The following NALF1 variants were observed in gnomAD, a reference collection of about 807,000 sequenced individuals.
NALF1 encodes the protein NALCN channel auxiliary factor 1.
NALF1 carries 3 observed loss-of-function variants against 48.4 expected under a neutral mutation model. The ratio of observed to expected loss-of-function variants is 0.06; its 90% CI spans 0.03 to 0.16. The LOEUF is 0.16. Among genes scored for constraint, NALF1 ranks in the 10% least tolerant of loss-of-function variants. NALF1 has a pLI of 1.00. For missense variants in NALF1, 526 were observed against 571.5 expected (o/e 0.92, Z 0.81); for synonymous variants, 262 against 245.7 (o/e 1.07, Z -0.62).
chr13:107,630,678 G>A (rs887522400), intron 1 of NALF1, among the ~76,000 whole-genome samples: 5 of 151,996 alleles, frequency 3.3e-5, no homozygotes, highest in Admixed American at 3.3e-4. Context: ...ATACAGGTAT[G>A]ATCTAAATCT....
intron 1 of NALF1, among the ~76,000 whole-genome samples, chr13:107,643,045 A>G (rs1880203728): frequency 6.6e-6 from 1 of 152,146 alleles, no homozygotes; most frequent in South Asian, 2.1e-4. Flanking sequence ...TGTTGGCTGA[A>G]GAGCAGGCGT....
At chr13:107,210,785 G>C in intron 1 of NALF1, 30 bp from the exon 2 acceptor site, 1 of 1,534,656 alleles carries the variant, frequency 6.5e-7, no homozygotes, top group Non-Finnish European at 9.0e-7. Context: ...GAAAAATATA[G>C]AGGCGTGACA....
chr13:107,212,218 T>A (rs1275995042), intron 1 of NALF1, among the ~76,000 whole-genome samples: 1 of 152,208 alleles, frequency 6.6e-6, no homozygotes, highest in Non-Finnish European at 1.5e-5. Flanking sequence ...CAAGGTGACT[T>A]GGTAGAGGTA....
In NALF1 at chr13:107,409,149, G is replaced by C. The variant is rs922397879; in HGVS notation, c.916-198394C>G. Among the ~76,000 whole-genome samples the C allele has an allele frequency of 2.6e-5, 4 of 152,056 alleles. No homozygotes were observed. In the South Asian group the frequency reaches 8.3e-4, roughly 31 times the overall value. On this transcript the variant is annotated intron_variant, in intron 1 of 2. Coordinates refer to ENST00000375915, the MANE Select transcript of NALF1 (RefSeq NM_001080396.3). ...TCAGATCTCTCAGCTCAGTTTAACA[G>C]GTTCTTAAGAAAGATTAACCACCCA...
At chr13:107,310,065 T>TTG (rs1027420923) in intron 1 of NALF1, among the ~76,000 whole-genome samples, 10 of 151,942 alleles carry the variant, frequency 6.6e-5, no homozygotes, top group African/African-American at 9.6e-5. Context: ...TTTATTTGTT[T>TTG]TGTGTGTGTG....
intron 1 of NALF1, among the ~76,000 whole-genome samples, chr13:107,726,284 A>G (rs1399743166): frequency 6.6e-6 from 1 of 152,146 alleles, no homozygotes; most frequent in African/African-American, 2.4e-5. Flanking sequence ...TATTTACCAA[A>G]TAGGTTAGCC....
chr13:107,315,081 T>C (rs1299281142), intron 1 of NALF1, among the ~76,000 whole-genome samples: 1 of 152,122 alleles, frequency 6.6e-6, no homozygotes, highest in Non-Finnish European at 1.5e-5. Flanking sequence ...TTAAATTAAA[T>C]TCAACTTAAA....
At chr13:107,480,457 CATGTCTTGGATGTTTCA>C (rs1885237870) in intron 1 of NALF1, among the ~76,000 whole-genome samples, 1 of 152,170 alleles carries the variant, frequency 6.6e-6, no homozygotes. Flanking sequence ...CAAATTGCTA[CATGTCTTGGATGTTTCA>C]AGTCTCTAAC....
At position 107,555,439 on chromosome 13, in the gene NALF1, ATTTTTT is replaced by A. The variant is rs34486058; in HGVS notation, c.915+310237_915+310242del. 5.9e-4 allele frequency among the ~76,000 whole-genome samples: 41 copies of A among 69,962 alleles called. No individual in the cohort carries two copies. The East Asian group carries it at 8.2e-3, about 14-fold the overall frequency. 45.9% of individuals were successfully genotyped at this position (69,962 alleles called of 152,430 possible). A position where few individuals can be genotyped will look rare whatever the true frequency, so the allele number is the denominator to read the frequency against. On this transcript the variant is annotated intron_variant, in intron 1 of 2. Coordinates refer to ENST00000375915, the MANE Select transcript of NALF1 (RefSeq NM_001080396.3). ...AGGTTCCTGCCACCAAGCCTGGCTA[ATTTTTT>A]TTTTTTTTTTTTTTTTTTTTTGTAT... is the stretch of plus-strand genomic sequence containing the variant.
At chr13:107,348,921 G>T (rs369561434) in intron 1 of NALF1, among the ~76,000 whole-genome samples, 22 of 152,040 alleles carry the variant, frequency 1.4e-4, no homozygotes, top group African/African-American at 5.1e-4. Context: ...CTCCTCCTTT[G>T]TAAGATGCAA....
chr13:107,293,437 A>G (rs1228655079), intron 1 of NALF1, among the ~76,000 whole-genome samples: 1 of 152,166 alleles, frequency 6.6e-6, no homozygotes, highest in African/African-American at 2.4e-5. Context: ...ATGCTATTAT[A>G]CCACAAACCA....
intron 1 of NALF1, among the ~76,000 whole-genome samples, chr13:107,547,604 T>C (rs911877404): frequency 2.6e-5 from 4 of 152,150 alleles, no homozygotes; most frequent in Non-Finnish European, 5.9e-5. Context: ...AAGGCACAAT[T>C]TGCCGTTATG....
chr13:107,506,772 C>A (rs575172539), intron 1 of NALF1, among the ~76,000 whole-genome samples: 1 of 152,110 alleles, frequency 6.6e-6, no homozygotes, highest in East Asian at 1.9e-4. Context: ...TTATCTTTAT[C>A]CACTTATCAC....
At chr13:107,393,143 C>T (rs1298296193) in intron 1 of NALF1, among the ~76,000 whole-genome samples, 1 of 152,212 alleles carries the variant, frequency 6.6e-6, no homozygotes, top group Non-Finnish European at 1.5e-5. Flanking sequence ...GTTATCCACG[C>T]TAACTAAATA....
At chr13:107,548,132 C>T (rs1877183482) in intron 1 of NALF1, among the ~76,000 whole-genome samples, 1 of 152,116 alleles carries the variant, frequency 6.6e-6, no homozygotes, top group African/African-American at 2.4e-5. Context: ...CTCCCACCCT[C>T]CATCCTCGAG....
chr13:107,228,782 G>A (rs966578730), intron 1 of NALF1, among the ~76,000 whole-genome samples: 6 of 151,988 alleles, frequency 3.9e-5, no homozygotes, highest in Non-Finnish European at 7.4e-5. Flanking sequence ...CACCACACCC[G>A]GCTAATTTTT....
rs1218481949 is a variant in NALF1, at chr13:107,272,397, G to C, written c.916-61642C>G. Among the ~76,000 whole-genome samples, 2 of 48,568 alleles carry C rather than the reference G, an allele frequency of 4.1e-5. 1 individual carries two copies. The highest frequency in any genetic ancestry group is 2.6e-3 in the South Asian group (2 of 772). 31.9% of individuals were successfully genotyped at this position (48,568 alleles called of 152,430 possible). The stretch of plus-strand genomic sequence containing the variant: ...GCCCGGCTAATTTTTTGTATTTTTA[G>C]TAGAGACGGGGTTTCACCTTGTTAG... On this transcript the variant is annotated intron_variant, in intron 1 of 2. Transcript: ENST00000375915.
intron 1 of NALF1, among the ~76,000 whole-genome samples, chr13:107,213,095 T>C (rs1879796022): frequency 6.6e-6 from 1 of 152,094 alleles, no homozygotes; most frequent in South Asian, 2.1e-4. Flanking sequence ...CGTCCAGTAT[T>C]GGAGTCTCTT....
intron 1 of NALF1, among the ~76,000 whole-genome samples, chr13:107,464,382 A>G (rs906341623): frequency 1.3e-5 from 2 of 152,194 alleles, no homozygotes; most frequent in Non-Finnish European, 2.9e-5. Flanking sequence ...GCAGCACCAA[A>G]GTCACACTGA....
Sources: gnomAD v4.1 joint callset for allele counts (sites outside exome capture counted in the v4.1 genomes callset) on GRCh38, gnomAD v4.1.1 for gene constraint, MANE v1.5 for transcripts, NCBI Gene and HGNC (gene_info 2026-07-23, HGNC 2026-07-21) for gene names.